PPARD: variants seen among roughly 807,000 people sequenced by gnomAD.
The protein encoded by PPARD is peroxisome proliferator-activated receptor delta.
PPARD carries 6 observed loss-of-function variants against 39.5 expected under a neutral mutation model. The observed-to-expected ratio is 0.15, with a 90% CI of 0.08 to 0.30. PPARD has a LOEUF of 0.30. PPARD is among the 10% of genes least tolerant of loss of function. The probability of loss-of-function intolerance (pLI) is 1.00; values close to 1 mark genes in which losing one functional copy is unlikely to be tolerated. For missense variants in PPARD, 397 were observed against 596.8 expected (o/e 0.67, Z 3.49); for synonymous variants, 210 against 231.3 (o/e 0.91, Z 0.83).
At chr6:35,389,595 G>A (rs1286183084) in intron 2 of PPARD, among the ~76,000 whole-genome samples, 9 of 151,988 alleles carry the variant, frequency 5.9e-5, no homozygotes, top group Non-Finnish European at 1.5e-5. Context: ...TTACAGGCGT[G>A]AGCCACCGCG....
intron 2 of PPARD, among the ~76,000 whole-genome samples, chr6:35,380,472 GTTTGTTTTTTTTTTTTTTT>G (rs1763084335): frequency 9.6e-4 from 30 of 31,334 alleles, no homozygotes; most frequent in African/African-American, 1.9e-3. Context: ...TTTTTTTTTT[GTTTGTTTTTTTTTTTTTTT>G]TTTTTTTTTT....
Position 35,347,074 on chromosome 6 carries a change from C to A in PPARD, c.-178C>A. 1 of 1,532,558 alleles carries A rather than the reference C, an allele frequency of 6.5e-7. No individual in the cohort carries two copies. The highest frequency in any genetic ancestry group is 8.7e-7 in the Non-Finnish European group (1 of 1,143,932). The allele number at this position is 1,532,558 out of a possible 1,614,324, so 94.9% of individuals were successfully genotyped here. On this transcript the variant is annotated 5_prime_UTR_variant, in exon 2 of 8. Coordinates refer to ENST00000360694, the MANE Select transcript of PPARD (RefSeq NM_006238.5). ...GTTTTTTCTATCCTGCAGTGTTGTACAGTGTTTTGGGCATGCACGTGATAC... is the reference window on the plus strand; with the variant it reads ...GTTTTTTCTATCCTGCAGTGTTGTAAAGTGTTTTGGGCATGCACGTGATAC...
intron 2 of PPARD, among the ~76,000 whole-genome samples, chr6:35,410,587 G>A (rs1036547067): frequency 3.9e-5 from 6 of 152,208 alleles, no homozygotes; most frequent in Non-Finnish European, 8.8e-5. Context: ...GATAGGGACA[G>A]GGTCGGGGAT....
At chr6:35,353,816 AAGAGCTGGTG>A (rs1481910252) in intron 2 of PPARD, among the ~76,000 whole-genome samples, 2 of 152,150 alleles carry the variant, frequency 1.3e-5, no homozygotes, top group Non-Finnish European at 2.9e-5. Flanking sequence ...CATGTTAGCA[AAGAGCTGGTG>A]CCTTCTGTGT....
intron 3 of PPARD, among the ~76,000 whole-genome samples, chr6:35,416,015 G>A (rs1765737043): frequency 6.6e-6 from 1 of 152,028 alleles, no homozygotes. Flanking sequence ...TTGGATGAGG[G>A]CCACTCACAT....
At chr6:35,354,045 A>C (rs1761413453) in intron 2 of PPARD, among the ~76,000 whole-genome samples, 1 of 152,012 alleles carries the variant, frequency 6.6e-6, no homozygotes. Flanking sequence ...ATCCTGGCTA[A>C]CACAGTGAAA....
chr6:35,348,914 C>T (rs1761048390), intron 2 of PPARD: 1 of 985,312 alleles, frequency 1.0e-6, no homozygotes, highest in South Asian at 4.7e-5. Context: ...TTTGCTTTAG[C>T]AGCAGCCAGG....
At chr6:35,381,464 G>T (rs1763152132) in intron 2 of PPARD, among the ~76,000 whole-genome samples, 1 of 152,100 alleles carries the variant, frequency 6.6e-6, no homozygotes, top group Admixed American at 6.5e-5. Flanking sequence ...GAAATCTAGG[G>T]GGACAGTCTA....
chr6:35,390,296 G>T (rs1273240585), intron 2 of PPARD, among the ~76,000 whole-genome samples: 2 of 152,190 alleles, frequency 1.3e-5, no homozygotes, highest in Non-Finnish European at 2.9e-5. Context: ...CTCTTCAAGG[G>T]CAGGCTGTGT....
At position 35,426,101 on chromosome 6, in the gene PPARD, G is replaced by T. The variant is rs373770900; in HGVS notation, c.*22G>T. 6.2e-7 allele frequency: 1 copy of T among 1,604,516 alleles called. No homozygotes were observed. The highest frequency in any genetic ancestry group is 1.1e-5 in the South Asian group (1 of 90,728). ...CTAACGGCGGCACCCAGGCCTCCCTGCAGACTCCAATGGGGCCAGCACTGG... is the reference window on the plus strand; with the variant it reads ...CTAACGGCGGCACCCAGGCCTCCCTTCAGACTCCAATGGGGCCAGCACTGG... On this transcript the variant is annotated 3_prime_UTR_variant, in exon 8 of 8. Transcript: ENST00000360694.
intron 2 of PPARD, among the ~76,000 whole-genome samples, chr6:35,350,312 G>C (rs2150430060): frequency 6.6e-6 from 1 of 152,226 alleles, no homozygotes; most frequent in African/African-American, 2.4e-5. Context: ...GCGGGGTATT[G>C]CTCAAGAAAT....
intron 2 of PPARD, among the ~76,000 whole-genome samples, chr6:35,395,099 G>A (rs1361031339): frequency 6.6e-6 from 1 of 152,206 alleles, no homozygotes; most frequent in African/African-American, 2.4e-5. Context: ...GGACAGAGAG[G>A]GGGGTGCCAG....
intron 2 of PPARD, among the ~76,000 whole-genome samples, chr6:35,402,021 G>C (rs1427779040): frequency 2.0e-5 from 3 of 152,034 alleles, no homozygotes; most frequent in Admixed American, 6.6e-5. Flanking sequence ...GAGAGATCTG[G>C]GTCTCTTCTG....
chr6:35,371,990 C>T (rs1278028980), intron 2 of PPARD, among the ~76,000 whole-genome samples: 1 of 152,222 alleles, frequency 6.6e-6, no homozygotes, highest in East Asian at 1.9e-4. Flanking sequence ...ACAGCAGCTA[C>T]AAGTGTGGTT....
chr6:35,422,148 T>C (rs1209968737), intron 5 of PPARD, among the ~76,000 whole-genome samples, 190 bp downstream of exon 5: 2 of 152,284 alleles, frequency 1.3e-5, no homozygotes, highest in East Asian at 3.9e-4. Context: ...GACCTGCCAC[T>C]TCCTCAGACT....
chr6:35,409,729 G>T (rs1262263733), intron 2 of PPARD, among the ~76,000 whole-genome samples: 1 of 152,084 alleles, frequency 6.6e-6, no homozygotes, highest in Non-Finnish European at 1.5e-5. Context: ...CCTCAAGTAG[G>T]CCCCGAGGTT....
chr6:35,396,199 TC>T (rs1764302320), intron 2 of PPARD, among the ~76,000 whole-genome samples: 1 of 151,770 alleles, frequency 6.6e-6, no homozygotes, highest in Non-Finnish European at 1.5e-5. Flanking sequence ...GTATTTTATT[TC>T]TTCTTCTTCT....
intron 2 of PPARD, among the ~76,000 whole-genome samples, chr6:35,358,448 T>C (rs1761743200): frequency 6.6e-6 from 1 of 152,230 alleles, no homozygotes; most frequent in South Asian, 2.1e-4. Flanking sequence ...TGTGGTAATG[T>C]GGTAATTTGT....
rs1170617869 is a variant in PPARD at position 35,416,374 on chromosome 6, C to CA, written c.131-3717dup. 4.3e-3 allele frequency among the ~76,000 whole-genome samples: 228 copies of CA among 52,618 alleles called. 50 individuals carry two copies. The highest frequency in any genetic ancestry group is 6.6e-3 in the East Asian group (8 of 1,212). 34.5% of individuals were successfully genotyped at this position (52,618 alleles called of 152,430 possible). ...GGGGAACAAAAGCGAGACTTCATCT[C>CA]AAAAAAAAAAAAAAAAAAAAAAAAA... is the stretch of plus-strand genomic sequence containing the variant. On this transcript the variant is annotated intron_variant, in intron 3 of 7. Coordinates refer to ENST00000360694, the MANE Select transcript of PPARD (RefSeq NM_006238.5).
Sources: allele counts gnomAD v4.1 joint callset (sites outside exome capture counted in the v4.1 genomes callset), GRCh38; gene constraint gnomAD v4.1.1; transcripts MANE v1.5; gene names NCBI Gene and HGNC (gene_info 2026-07-23, HGNC 2026-07-21).